Variants in ARRDC3 observed in about 807,000 individuals in gnomAD.
ARRDC3 encodes the protein arrestin domain-containing protein 3.
A neutral mutation model predicts 47.2 loss-of-function variants in ARRDC3; 10 were observed. The ratio of observed to expected loss-of-function variants is 0.21; its 90% CI spans 0.13 to 0.36. The LOEUF (loss-of-function observed/expected upper bound fraction) is 0.36, where lower values mean the gene tolerates loss of function less well. Among genes scored for constraint, ARRDC3 ranks in the 10% least tolerant of loss-of-function variants. ARRDC3 has a pLI of 1.00. For missense variants in ARRDC3, 381 were observed against 503.6 expected (o/e 0.76, Z 2.33); for synonymous variants, 156 against 178.3 (o/e 0.87, Z 1.00).
chr5:91,371,440 T>A lies in ARRDC3; in HGVS notation c.1205A>T (p.Asp402Val). Residue 402 changes from aspartate (D) to valine (V), a missense_variant, in exon 8 of 8, where the codon GAT (aspartate) becomes GTT (valine). Transcript: ENST00000265138. ...GGATGGTCTATCATCTGCTGACTGA[T>A]CAGGATTTGGATCAATCTAGAAAGA... ...PLYSEIDPNP[D>V]QSADDRPSCP... is the part of the protein sequence containing the mutation. 6.2e-7 allele frequency: 1 copy of A among 1,613,456 alleles called. No homozygotes were observed. Among genetic ancestry groups the A allele is most frequent in the African/African-American group, 1.3e-5 (1 of 75,016 alleles).
chr5:91,378,405 C>G (rs763956621), intron 2 of ARRDC3, among the ~76,000 whole-genome samples: 1 of 151,938 alleles, frequency 6.6e-6, no homozygotes, highest in South Asian at 2.1e-4. Context: ...GGTTATTATT[C>G]GACTAGCAAC....
At chr5:91,379,509 C>T (rs997328216) in intron 1 of ARRDC3, among the ~76,000 whole-genome samples, 1 of 151,882 alleles carries the variant, frequency 6.6e-6, no homozygotes, top group African/African-American at 2.4e-5. Context: ...CAATATTTTC[C>T]AACATCCTTG....
intron 3 of ARRDC3, 56 bp from the exon 4 acceptor site, chr5:91,375,669 C>T: frequency 8.8e-7 from 1 of 1,139,828 alleles, no homozygotes; most frequent in Non-Finnish European, 1.2e-6. Context: ...ACAATCAATA[C>T]CAGAATATTT....
rs1799143350 is a variant in ARRDC3, at chr5:91,370,460, C to A, written c.*940G>T. ...TTGTGTATGTCCCGTTTCCAAATTT[C>A]CCTCTCCAAAAAGCCAACCAAATAA... On this transcript the variant is annotated 3_prime_UTR_variant, in exon 8 of 8. Coordinates refer to ENST00000265138, the MANE Select transcript of ARRDC3 (RefSeq NM_020801.4). The A allele has an allele frequency of 6.6e-6, 1 of 152,562 alleles. No individual in the cohort carries two copies. The highest frequency in any genetic ancestry group is 2.1e-4 in the South Asian group (1 of 4,822). 9.5% of individuals were successfully genotyped at this position (152,562 alleles called of 1,614,324 possible).
intron 7 of ARRDC3, 69 bp downstream of exon 7, chr5:91,373,615 A>T (rs1799229814): frequency 1.4e-6 from 2 of 1,460,276 alleles, no homozygotes; most frequent in East Asian, 4.6e-5. Flanking sequence ...ACATTAAGAA[A>T]AAAAAATGCC....
At position 91,368,705 on chromosome 5, in the gene ARRDC3, CAAAT is replaced by C. The variant is rs1165336735; in HGVS notation, c.*2691_*2694del. On this transcript the variant is annotated 3_prime_UTR_variant, in exon 8 of 8. Coordinates refer to ENST00000265138, the MANE Select transcript of ARRDC3 (RefSeq NM_020801.4). The stretch of plus-strand genomic sequence containing the variant: ...GTGAGTTACTAATATGATCAAGATT[CAAAT>C]AAATCTCCAAACAATTATACAAAAC... 3 of 152,244 alleles carry C rather than the reference CAAAT, an allele frequency of 2.0e-5. No homozygotes were observed. Among genetic ancestry groups the C allele is most frequent in the Non-Finnish European group, 2.9e-5 (2 of 68,012 alleles). 9.4% of individuals were successfully genotyped at this position (152,244 alleles called of 1,614,324 possible).
At chr5:91,374,344 C>A in intron 5 of ARRDC3, 68 bp from the exon 6 acceptor site, 1 of 1,402,576 alleles carries the variant, frequency 7.1e-7, no homozygotes, top group Non-Finnish European at 9.8e-7. Flanking sequence ...AACTCATAAC[C>A]AATTTTAATG....
chr5:91,381,086 G>C (rs1241574537), intron 1 of ARRDC3: 2 of 152,236 alleles, frequency 1.3e-5, no homozygotes. Flanking sequence ...AACAAACCTG[G>C]CTCCGCCTAT....
At position 91,373,723 on chromosome 5, in the gene ARRDC3, G is replaced by A; in HGVS notation, c.1149C>T (p.Ile383=). Residue 383 remains isoleucine (I), a synonymous_variant, in exon 7 of 8, where the codon ATC becomes ATT. Transcript: ENST00000265138. Reference sequence around the variant, plus strand: ...GTGGAGGCAAGAATCGAAACTCCTGGATATATGCAAACAGTGGTCCTTGAA... The same window carrying A: ...GTGGAGGCAAGAATCGAAACTCCTGAATATATGCAAACAGTGGTCCTTGAA... ...RALQGPLFAY[I]QEFRFLPPPL... 1 of 1,614,004 alleles carries A rather than the reference G, an allele frequency of 6.2e-7. No individual in the cohort carries two copies. The highest frequency in any genetic ancestry group is 8.5e-7 in the Non-Finnish European group (1 of 1,179,926).
In ARRDC3 at chr5:91,378,762, G is replaced by A. The variant is rs764371834; in HGVS notation, c.294C>T (p.Ser98=). 4 of 1,587,394 alleles carry A rather than the reference G, an allele frequency of 2.5e-6. No individual in the cohort carries two copies. The highest frequency in any genetic ancestry group is 1.8e-5 in the Admixed American group (1 of 54,660). ...LIGHERDDDN[S]EEGFHTIHSG... ...AATGAATAGTGTGGAAGCCTTCTTC[G>A]GAATTATCATCATCTAAAACAAACA... Residue 98 remains serine, a synonymous_variant, in exon 2 of 8, where the codon TCC becomes TCT. Transcript: ENST00000265138.
chr5:91,378,056 T>C (rs187917512), intron 2 of ARRDC3, among the ~76,000 whole-genome samples: 1 of 152,076 alleles, frequency 6.6e-6, no homozygotes, highest in African/African-American at 2.4e-5. Context: ...CAATCTGTCA[T>C]TACTTTAAGA....
In ARRDC3 at chr5:91,376,785, G is replaced by T. The variant is rs988439676; in HGVS notation, c.363-17C>A. ...GCGAGTGGTCTGTGCAGAATATAAA[G>T]GTCAATATATTAATTTTATACCTCT... On this transcript the variant is annotated splice_polypyrimidine_tract_variant and intron_variant, in intron 2 of 7. Coordinates refer to ENST00000265138, the MANE Select transcript of ARRDC3 (RefSeq NM_020801.4). 1 of 1,591,664 alleles carries T rather than the reference G, an allele frequency of 6.3e-7. No homozygotes were observed. Among genetic ancestry groups the T allele is most frequent in the Non-Finnish European group, 8.5e-7 (1 of 1,171,354 alleles).
Position 91,368,635 on chromosome 5 carries a change from TTAAAA to T in ARRDC3, c.*2760_*2764del, listed in dbSNP as rs1044706525. The T allele has an allele frequency of 6.6e-6, 1 of 152,220 alleles. No individual in the cohort carries two copies. The highest frequency in any genetic ancestry group is 2.4e-5 in the African/African-American group (1 of 41,452). 9.4% of individuals were successfully genotyped at this position (152,220 alleles called of 1,614,324 possible). On this transcript the variant is annotated 3_prime_UTR_variant, in exon 8 of 8. Transcript: ENST00000265138. ...AGATACAATTCTTACCCAGAATGGCTTAAAATAGAGTTTAATAGTTTAATTTAATG... is the reference window on the plus strand; with the variant it reads ...AGATACAATTCTTACCCAGAATGGCTTAGAGTTTAATAGTTTAATTTAATG...
chr5:91,372,302 A>T (rs1364966057), intron 7 of ARRDC3, among the ~76,000 whole-genome samples: 1 of 152,210 alleles, frequency 6.6e-6, no homozygotes, highest in Non-Finnish European at 1.5e-5. Context: ...GAAGGAAAAA[A>T]GCCAAATAAC....
At position 91,383,143 on chromosome 5, in the gene ARRDC3, C is replaced by T. The variant is rs1799487158; in HGVS notation, c.-51G>A. 1 of 1,498,374 alleles carries T rather than the reference C, an allele frequency of 6.7e-7. No homozygotes were observed. Among genetic ancestry groups the T allele is most frequent in the South Asian group, 1.3e-5 (1 of 75,978 alleles). 92.8% of individuals were successfully genotyped at this position (1,498,374 alleles called of 1,614,324 possible). On this transcript the variant is annotated 5_prime_UTR_variant, in exon 1 of 8. Coordinates refer to ENST00000265138, the MANE Select transcript of ARRDC3 (RefSeq NM_020801.4). ...TAATGTAAGACAAAAAAGTCAAGAT[C>T]GCATATAAAATGTGATCTTCACTTA...
At chr5:91,374,795 G>A (rs1799260374) in intron 5 of ARRDC3, 127 bp downstream of exon 5, 1 of 926,818 alleles carries the variant, frequency 1.1e-6, no homozygotes, top group Non-Finnish European at 1.6e-6. Flanking sequence ...TGAGGTGGGA[G>A]GATCACTGGA....
chr5:91,375,899 T>C (rs1190528321), intron 3 of ARRDC3, among the ~76,000 whole-genome samples: 2 of 152,078 alleles, frequency 1.3e-5, no homozygotes, highest in Admixed American at 1.3e-4. Context: ...TTTACAAATA[T>C]AGTAATCAAA....
Position 91,370,959 on chromosome 5 carries a change from G to C in ARRDC3, c.*441C>G, listed in dbSNP as rs1445595364. 7.0e-6 allele frequency: 1 copy of C among 142,160 alleles called. No homozygotes were observed. Among genetic ancestry groups the C allele is most frequent in the Non-Finnish European group, 1.5e-5 (1 of 67,772 alleles). The allele number at this position is 142,160 out of a possible 1,614,324, so 8.8% of individuals were successfully genotyped here. On this transcript the variant is annotated 3_prime_UTR_variant, in exon 8 of 8. Transcript: ENST00000265138. ...TCAAAGCTTTGTTTTGTTCCTTGTT[G>C]TGCTGACCACAAACAAGTTTTAAGA...
chr5:91,372,871 C>CA (rs1212263540), intron 7 of ARRDC3, among the ~76,000 whole-genome samples: 2 of 152,048 alleles, frequency 1.3e-5, no homozygotes, highest in African/African-American at 4.8e-5. Flanking sequence ...AAACCAACTC[C>CA]AAAACCCCTT....
Sources: allele counts gnomAD v4.1 joint callset (sites outside exome capture counted in the v4.1 genomes callset), GRCh38; gene constraint gnomAD v4.1.1; transcripts MANE v1.5; gene names NCBI Gene and HGNC (gene_info 2026-07-23, HGNC 2026-07-21).